ATP2C1: variants seen among roughly 807,000 people sequenced by gnomAD.
ATP2C1 encodes the protein calcium-transporting ATPase type 2C member 1.
Under a neutral mutation model 120.5 loss-of-function variants are expected in ATP2C1, and 31 were observed. That is an observed-to-expected ratio of 0.26 (90% CI 0.19 to 0.35). ATP2C1 has a LOEUF of 0.35. Ranked by LOEUF, ATP2C1 falls within the 10% of genes least tolerant of loss-of-function variation. ATP2C1 has a pLI of 1.00. For synonymous variants in ATP2C1, 351 were observed against 358.7 expected, an observed-to-expected ratio of 0.98 and a Z score of 0.24; for missense variants, 731 against 1,107.5, an observed-to-expected ratio of 0.66 and a Z score of 4.83.
intron 8 of ATP2C1, among the ~76,000 whole-genome samples, chr3:130,946,621 G>T (rs1273201151): frequency 6.6e-6 from 1 of 152,102 alleles, no homozygotes; most frequent in African/African-American, 2.4e-5. Flanking sequence ...TCCATTACTG[G>T]AGCAATCACT....
chr3:130,919,327 C>T (rs745400676), intron 2 of ATP2C1, among the ~76,000 whole-genome samples: 2 of 151,690 alleles, frequency 1.3e-5, no homozygotes, highest in Non-Finnish European at 2.9e-5. Flanking sequence ...CAGGTTCAAG[C>T]GATTCTCCTG....
chr3:130,963,980 A>G lies in ATP2C1; in HGVS notation c.909A>G (p.Val303=), dbSNP rs2060941659. The G allele has an allele frequency of 4.3e-6, 7 of 1,612,618 alleles. No homozygotes were observed. In the Middle Eastern group the frequency reaches 8.2e-4, roughly 190 times the overall value. Residue 303 remains valine (V), a synonymous_variant, in exon 13 of 28, where the codon GTA becomes GTG. Transcript: ENST00000510168. ...TATATGTTGGTTATAGTTTGGCTGT[A>G]GCAGCAATTCCTGAAGGTCTCCCCA... ...EMFTISVSLA[V]AAIPEGLPIV...
chr3:130,890,448 T>C (rs1190035644), upstream of ATP2C1, among the ~76,000 whole-genome samples: 2 of 152,254 alleles, frequency 1.3e-5, no homozygotes, highest in African/African-American at 4.8e-5. Flanking sequence ...GGAGAGACTA[T>C]GTCATACTTG....
At chr3:130,902,790 G>A (rs747513971) in intron 2 of ATP2C1, among the ~76,000 whole-genome samples, 2 of 151,746 alleles carry the variant, frequency 1.3e-5, no homozygotes, top group Non-Finnish European at 2.9e-5. Flanking sequence ...CTTGTCGGGT[G>A]TCTTTTTACT....
chr3:130,871,939 T>G (rs1223470664), intron 1 of ATP2C1, among the ~76,000 whole-genome samples: 2 of 151,580 alleles, frequency 1.3e-5, no homozygotes, highest in Admixed American at 1.3e-4. Flanking sequence ...GGAGAATTGC[T>G]TGAACCTGGG....
intron 2 of ATP2C1, among the ~76,000 whole-genome samples, chr3:130,899,017 G>C (rs1321539244): frequency 5.9e-5 from 9 of 152,112 alleles, no homozygotes; most frequent in Admixed American, 5.9e-4. Context: ...GTTGTGACAA[G>C]GTTATCTTTA....
chr3:130,959,289 G>A lies in ATP2C1; in HGVS notation c.847G>A (p.Val283Ile), dbSNP rs369944125. ...SFGIIGIIML[V>I]GWLLGKDILE... The stretch of plus-strand genomic sequence containing the variant: ...TTATCTTTCAGGAATCATCATGTTG[G>A]TTGGCTGGTTACTGGGAAAAGATAT... Residue 283 changes from valine to isoleucine, a missense_variant, in exon 12 of 28, where the codon GTT (valine) becomes ATT (isoleucine). By Grantham distance (29) the Val-to-Ile change is conservative. Transcript: ENST00000510168. The A allele has an allele frequency of 5.0e-6, 8 of 1,607,844 alleles. No individual in the cohort carries two copies. Among genetic ancestry groups the A allele is most frequent in the Non-Finnish European group, 6.8e-6 (8 of 1,175,118 alleles).
chr3:130,985,262 A>G (rs1479130084), intron 20 of ATP2C1, among the ~76,000 whole-genome samples: 2 of 152,224 alleles, frequency 1.3e-5, no homozygotes, highest in Non-Finnish European at 2.9e-5. Context: ...GAAATGATGC[A>G]AAGGTGAAAT....
chr3:130,941,594 G>A lies in ATP2C1; in HGVS notation c.426G>A (p.Val142=), dbSNP rs1283519394. ...TTGTTTCTATTTCGTGTTACAGTGT[G>A]CGTGAAGGAAAATTGGAGCATACAC... ...SKLVPPECHC[V]REGKLEHTLA... Residue 142 remains valine, a synonymous_variant, in exon 8 of 28, where the codon GTG becomes GTA. Coordinates refer to ENST00000510168, the MANE Select transcript of ATP2C1 (RefSeq NM_001378687.1). 2 of 1,613,018 alleles carry A rather than the reference G, an allele frequency of 1.2e-6. No individual in the cohort carries two copies. The highest frequency in any genetic ancestry group is 1.7e-6 in the Non-Finnish European group (2 of 1,179,298).
intron 20 of ATP2C1, among the ~76,000 whole-genome samples, chr3:130,984,499 C>G (rs2061909406): frequency 6.6e-6 from 1 of 152,198 alleles, no homozygotes; most frequent in Non-Finnish European, 1.5e-5. Context: ...CCCCACTTCC[C>G]TCATCCTCTA....
intron 2 of ATP2C1, among the ~76,000 whole-genome samples, chr3:130,925,215 A>G (rs62282192): frequency 0.11 from 16,482 of 152,108 alleles, 1,026 homozygotes; most frequent in East Asian, 0.18. Context: ...TGTCAGAGGG[A>G]AGATCTGGGA....
At chr3:130,873,312 G>A (rs2068494466) in intron 1 of ATP2C1, among the ~76,000 whole-genome samples, 1 of 152,190 alleles carries the variant, frequency 6.6e-6, no homozygotes, top group African/African-American at 2.4e-5. Flanking sequence ...ATTAAACACT[G>A]AGAAATTCTT....
chr3:130,894,847 T>C lies in ATP2C1; in HGVS notation c.6+72T>C, dbSNP rs536638102. 2.7e-5 allele frequency: 38 copies of C among 1,396,860 alleles called. No individual in the cohort carries two copies. In the South Asian group the frequency reaches 3.9e-4, roughly 14 times the overall value. 86.5% of individuals were successfully genotyped at this position (1,396,860 alleles called of 1,614,324 possible). A position where few individuals can be genotyped will look rare whatever the true frequency, so the allele number is the denominator to read the frequency against. On this transcript the variant is annotated intron_variant, in intron 2 of 27. Transcript: ENST00000510168. The surrounding 1 kb of genome is among the most constrained non-coding windows in gnomAD (Gnocchi z 4.5). ...GTGGTTTGCTTTTAAGTTGTCTTTG[T>C]TTTTCCACCTTTTTATTTTCGTGAG...
chr3:130,873,478 C>T (rs1412486922), intron 1 of ATP2C1, among the ~76,000 whole-genome samples: 1 of 152,196 alleles, frequency 6.6e-6, no homozygotes, highest in Admixed American at 6.5e-5. Flanking sequence ...TTGATTCTCA[C>T]TTCCCTAAAA....
At chr3:131,015,286 C>G (rs1373203929) in intron 26 of ATP2C1, 5 of 693,308 alleles carry the variant, frequency 7.2e-6, no homozygotes, top group Non-Finnish European at 1.3e-5. Context: ...AGACAAGCCC[C>G]TCCCCCCACA....
intron 6 of ATP2C1, among the ~76,000 whole-genome samples, chr3:130,938,931 G>A: frequency 6.6e-6 from 1 of 152,138 alleles, no homozygotes; most frequent in African/African-American, 2.4e-5. Flanking sequence ...AAGTCAATAT[G>A]GAATTTTACA....
chr3:131,008,540 A>G (rs1044073142), intron 26 of ATP2C1, among the ~76,000 whole-genome samples: 2 of 152,142 alleles, frequency 1.3e-5, no homozygotes, highest in East Asian at 3.8e-4. Context: ...ATTCATTTAC[A>G]ATATTGTTTA....
intron 1 of ATP2C1, among the ~76,000 whole-genome samples, chr3:130,876,094 G>A (rs1377155831): frequency 6.6e-6 from 1 of 151,714 alleles, no homozygotes; most frequent in Non-Finnish European, 1.5e-5. Flanking sequence ...TCATTTTGTT[G>A]ATGATACTCT....
upstream of ATP2C1, among the ~76,000 whole-genome samples, chr3:130,889,638 C>CT (rs1170424148): frequency 0.1 from 7,832 of 77,498 alleles, 560 homozygotes; most frequent in African/African-American, 0.19. Context: ...ATTCTTTAAA[C>CT]TTTTTTTTTT....
Sources: allele counts gnomAD v4.1 joint callset (sites outside exome capture counted in the v4.1 genomes callset), GRCh38; gene constraint gnomAD v4.1.1; non-coding constraint Gnocchi (gnomAD v3.1); transcripts MANE v1.5; gene names NCBI Gene and HGNC (gene_info 2026-07-23, HGNC 2026-07-21).